The following GRID2IP variants were observed in gnomAD, a reference collection of about 807,000 sequenced individuals.
The protein encoded by GRID2IP is delphilin.
A neutral mutation model predicts 114.3 loss-of-function variants in GRID2IP; 78 were observed. That is an observed-to-expected ratio of 0.68 (90% CI 0.57 to 0.82). The LOEUF (loss-of-function observed/expected upper bound fraction) is 0.82, where lower values mean the gene tolerates loss of function less well. Ranked by LOEUF, GRID2IP falls within the 40% of genes least tolerant of loss-of-function variation. GRID2IP has a pLI of 0.00. For missense variants in GRID2IP, 1,727 were observed against 1,678.5 expected, an observed-to-expected ratio of 1.03 and a Z score of -0.51; for synonymous variants, 809 against 724.0, an observed-to-expected ratio of 1.12 and a Z score of -1.89.
intron 1 of GRID2IP, among the ~76,000 whole-genome samples, chr7:6,540,363 C>T (rs760827881): frequency 2.0e-5 from 3 of 152,064 alleles, no homozygotes; most frequent in Non-Finnish European, 4.4e-5. Context: ...CCGCCCGCCT[C>T]GGCCTCCCAA....
At chr7:6,544,350 G>A (rs137955232) in intron 1 of GRID2IP, among the ~76,000 whole-genome samples, 8,828 of 151,808 alleles carry the variant, frequency 0.058, 347 homozygotes, top group African/African-American at 0.11. Flanking sequence ...CATGATCTCG[G>A]CTCATTGCAA....
chr7:6,548,643 C>G (rs1459341885), intron 1 of GRID2IP, among the ~76,000 whole-genome samples: 1 of 152,014 alleles, frequency 6.6e-6, no homozygotes, highest in Non-Finnish European at 1.5e-5. Flanking sequence ...CAAGACCAGC[C>G]TGACCAATAT....
At chr7:6,503,866 G>T (rs1028815340) in intron 15 of GRID2IP, among the ~76,000 whole-genome samples, 179 bp from the exon 16 acceptor site, 5 of 151,800 alleles carry the variant, frequency 3.3e-5, no homozygotes, top group Non-Finnish European at 5.9e-5. Flanking sequence ...AGGCTGAGCT[G>T]AGGCGGCTCC....
chr7:6,530,290 G>C (rs1328207222), intron 2 of GRID2IP, among the ~76,000 whole-genome samples: 1 of 146,696 alleles, frequency 6.8e-6, no homozygotes, highest in African/African-American at 2.5e-5. Flanking sequence ...TTGTTTGAGA[G>C]AGACTCTCTG....
rs1310881067 is a variant in GRID2IP at position 6,509,821 on chromosome 7, T to A, written c.1771+462A>T. ...TCGGGGACTTCCTCAGAATCAGGCA[T>A]CTGCCTTCTTTCTTTTTCTTTTTTA... On this transcript the variant is annotated intron_variant, in intron 11 of 21. Transcript: ENST00000457091. This position sits in a 1 kb window ranked among gnomAD's most constrained non-coding sequence, Gnocchi z 4.9. 6.6e-6 allele frequency among the ~76,000 whole-genome samples: 1 copy of A among 152,186 alleles called. No homozygotes were observed. The highest frequency in any genetic ancestry group is 1.5e-5 in the Non-Finnish European group (1 of 68,020).
In GRID2IP at chr7:6,536,819, C is replaced by T; in HGVS notation, c.584+2899G>A. 1 of 702,460 alleles carries T rather than the reference C, an allele frequency of 1.4e-6. No homozygotes were observed. The highest frequency in any genetic ancestry group is 2.0e-5 in the Admixed American group (1 of 49,966). 43.5% of individuals were successfully genotyped at this position (702,460 alleles called of 1,614,324 possible). On this transcript the variant is annotated intron_variant, in intron 2 of 21. Transcript: ENST00000457091. This position sits in a 1 kb window ranked among gnomAD's most constrained non-coding sequence, Gnocchi z 5.3. ...TCTGATTCTCCTAGCAAGGGGCTCA[C>T]CCCTTACTCACCCCAGGCAGCTCAT...
intron 2 of GRID2IP, among the ~76,000 whole-genome samples, chr7:6,529,549 T>C (rs1290112330): frequency 1.3e-5 from 2 of 152,216 alleles, no homozygotes; most frequent in Non-Finnish European, 2.9e-5. Context: ...CTTGGTGTTT[T>C]TGGGGCTGAG....
chr7:6,550,955 C>T (rs1169501989), intron 1 of GRID2IP, 53 bp downstream of exon 1: 2 of 1,199,592 alleles, frequency 1.7e-6, no homozygotes, highest in Non-Finnish European at 2.1e-6. Context: ...CACTCCCTGC[C>T]CACATTATGA....
chr7:6,510,268 A>G lies in GRID2IP; in HGVS notation c.1771+15T>C, dbSNP rs1786733138. The G allele has an allele frequency of 6.7e-7, 1 of 1,496,716 alleles. No homozygotes were observed. Among genetic ancestry groups the G allele is most frequent in the Non-Finnish European group, 9.0e-7 (1 of 1,105,306 alleles). The allele number at this position is 1,496,716 out of a possible 1,614,324, so 92.7% of individuals were successfully genotyped here. On this transcript the variant is annotated intron_variant, in intron 11 of 21. Transcript: ENST00000457091. ...GAAACACCCAGACAGTAGATGACAG[A>G]GGCTGGAGCCCTACCTGTGGTGACT...
intron 8 of GRID2IP, among the ~76,000 whole-genome samples, chr7:6,511,427 C>T (rs1274425514): frequency 6.6e-6 from 1 of 151,952 alleles, no homozygotes; most frequent in Non-Finnish European, 1.5e-5. Context: ...GGTGGGAGTG[C>T]AGTGGTGCAA....
In GRID2IP at chr7:6,502,715, T is replaced by A. The variant is rs999171117; in HGVS notation, c.3150+71A>T. ...GTCCTCTTCTGCCCTCTGCCACAAC[T>A]GAGCTAGGCCTGGCGTTAGCGCCTT... On this transcript the variant is annotated intron_variant, in intron 18 of 21. Coordinates refer to ENST00000457091, the MANE Select transcript of GRID2IP (RefSeq NM_001145118.2). The A allele has an allele frequency of 8.1e-5, 91 of 1,116,872 alleles. No individual in the cohort carries two copies. In the African/African-American group the frequency reaches 1.3e-3, roughly 16 times the overall value. 69.2% of individuals were successfully genotyped at this position (1,116,872 alleles called of 1,614,324 possible).
Position 6,519,586 on chromosome 7 carries a change from T to G in GRID2IP, c.1268+992A>C, listed in dbSNP as rs1779374679. Among the ~76,000 whole-genome samples the G allele has an allele frequency of 6.6e-6, 1 of 151,854 alleles. No homozygotes were observed. The highest frequency in any genetic ancestry group is 1.5e-5 in the Non-Finnish European group (1 of 67,976). ...CAGCCTGACCAACATGGAGAAACCC[T>G]ATCTCTACTAAAAGTACAAAATTAG... is the stretch of plus-strand genomic sequence containing the variant. On this transcript the variant is annotated intron_variant, in intron 7 of 21. Transcript: ENST00000457091. This position sits in a 1 kb window ranked among gnomAD's most constrained non-coding sequence, Gnocchi z 4.1.
At chr7:6,522,190 G>GA (rs894136238) in intron 4 of GRID2IP, among the ~76,000 whole-genome samples, 19 of 151,832 alleles carry the variant, frequency 1.3e-4, no homozygotes, top group African/African-American at 4.4e-4. Flanking sequence ...TCTCTACCAA[G>GA]AAAAAAAATA....
chr7:6,539,114 G>A (rs972214050), intron 2 of GRID2IP, among the ~76,000 whole-genome samples: 1 of 148,148 alleles, frequency 6.8e-6, no homozygotes, highest in Admixed American at 6.9e-5. Context: ...TTTTGGGGTG[G>A]AGCAGGGCAG....
At chr7:6,538,341 G>A (rs1205055346) in intron 2 of GRID2IP, among the ~76,000 whole-genome samples, 1 of 151,948 alleles carries the variant, frequency 6.6e-6, no homozygotes, top group Non-Finnish European at 1.5e-5. Context: ...CCTCCTGCCT[G>A]GGTGACAGAG....
rs532097642 is a variant in GRID2IP, at chr7:6,498,198, G to A, written c.3430C>T (p.Arg1144Trp). 1.8e-4 allele frequency: 286 copies of A among 1,548,416 alleles called. No homozygotes were observed. The highest frequency in any genetic ancestry group is 2.4e-4 in the Non-Finnish European group (272 of 1,146,058). ...SFLETAQPAL[R>W]ALDGLQREAM... Reference sequence around the variant, plus strand: ...TCGCGCTGCAGCCCGTCGAGCGCCCGAAGTGCTGGCTGGGCCGTCTCCAGG... The same window carrying A: ...TCGCGCTGCAGCCCGTCGAGCGCCCAAAGTGCTGGCTGGGCCGTCTCCAGG... The change falls in exon 21 of 22, where the codon CGG becomes TGG. Residue 1144 changes from arginine (R) to tryptophan (W), a missense_variant. Coordinates refer to ENST00000457091, the MANE Select transcript of GRID2IP (RefSeq NM_001145118.2).
chr7:6,546,312 G>A (rs971643878), intron 1 of GRID2IP, among the ~76,000 whole-genome samples: 4 of 150,926 alleles, frequency 2.7e-5, no homozygotes, highest in East Asian at 4.1e-4. Flanking sequence ...CCTGACCTCA[G>A]GTGACCTGCC....
At chr7:6,511,070 C>T in intron 8 of GRID2IP, 31 bp from the exon 9 acceptor site, 1 of 1,377,102 alleles carries the variant, frequency 7.3e-7, no homozygotes, top group Non-Finnish European at 9.4e-7. Context: ...ATGGGGCCCT[C>T]TTGCCCTCTC....
chr7:6,533,259 C>T (rs1779665816), intron 2 of GRID2IP, among the ~76,000 whole-genome samples: 1 of 152,198 alleles, frequency 6.6e-6, no homozygotes, highest in Non-Finnish European at 1.5e-5. Flanking sequence ...GACACCTGCT[C>T]TTGGGAACGA....
Sources: gnomAD v4.1 joint callset for allele counts (sites outside exome capture counted in the v4.1 genomes callset) on GRCh38, gnomAD v4.1.1 for gene constraint, Gnocchi (gnomAD v3.1) non-coding constraint, MANE v1.5 for transcripts, NCBI Gene and HGNC (gene_info 2026-07-23, HGNC 2026-07-21) for gene names.